Variants in WWC2 observed in about 807,000 individuals in gnomAD.
The protein encoded by WWC2 is protein WWC2.
Under a neutral mutation model 138.5 loss-of-function variants are expected in WWC2, and 101 were observed. The observed-to-expected ratio is 0.73, with a 90% CI of 0.62 to 0.86. WWC2 has a LOEUF of 0.86. Among genes scored for constraint, WWC2 ranks in the 40% least tolerant of loss-of-function variants. WWC2 has a pLI of 0.00. For synonymous variants in WWC2, 558 were observed against 538.4 expected (o/e 1.04, Z -0.50); for missense variants, 1,420 against 1,419.4 (o/e 1.00, Z -0.01).
chr4:183,220,469 A>G (rs1735889752), intron 4 of WWC2, among the ~76,000 whole-genome samples: 1 of 151,996 alleles, frequency 6.6e-6, no homozygotes, highest in Non-Finnish European at 1.5e-5. Flanking sequence ...GCCATAAAAC[A>G]AAAACAAAAA....
intron 1 of WWC2, among the ~76,000 whole-genome samples, chr4:183,138,371 GT>G (rs1733186612): frequency 6.6e-6 from 1 of 152,190 alleles, no homozygotes; most frequent in African/African-American, 2.4e-5. Context: ...ACTCTTGAGT[GT>G]GGTTGTAGAT....
rs1220296973 is a variant in WWC2, at chr4:183,319,665, C to A, written c.*3936C>A. ...GGGAGCGTGGCTGGAGCAGGCTGCA[C>A]AGTGGAGCAGACACCCTCCTAGCAG... On this transcript the variant is annotated 3_prime_UTR_variant, in exon 23 of 23. Coordinates refer to ENST00000403733, the MANE Select transcript of WWC2 (RefSeq NM_024949.6). The A allele has an allele frequency of 6.2e-7, 1 of 1,614,148 alleles. No individual in the cohort carries two copies. Among genetic ancestry groups the A allele is most frequent in the Non-Finnish European group, 8.5e-7 (1 of 1,180,022 alleles).
At chr4:183,237,906 G>A (rs1736480062) in intron 4 of WWC2, among the ~76,000 whole-genome samples, 1 of 151,904 alleles carries the variant, frequency 6.6e-6, no homozygotes, top group Non-Finnish European at 1.5e-5. Context: ...ACTTCACAGT[G>A]TATTTTGTCT....
intron 21 of WWC2, among the ~76,000 whole-genome samples, chr4:183,305,416 C>A (rs1399871964): frequency 6.6e-6 from 1 of 151,938 alleles, no homozygotes; most frequent in African/African-American, 2.4e-5. Flanking sequence ...TCATAAAACA[C>A]CAAGCAAAAT....
At chr4:183,267,629 C>G (rs1195149851) in intron 14 of WWC2, among the ~76,000 whole-genome samples, 1 of 152,222 alleles carries the variant, frequency 6.6e-6, no homozygotes, top group Non-Finnish European at 1.5e-5. Context: ...CTAAACCAAT[C>G]ACAGTCATTC....
chr4:183,149,940 C>G (rs1733593178), intron 1 of WWC2, among the ~76,000 whole-genome samples: 1 of 152,096 alleles, frequency 6.6e-6, no homozygotes, highest in South Asian at 2.1e-4. Context: ...TCTTCATCTG[C>G]TTCTTTGTTA....
In WWC2 at chr4:183,245,507, A is replaced by G. The variant is rs745980237; in HGVS notation, c.694A>G (p.Ile232Val). Residue 232 changes from isoleucine to valine, a missense_variant, in exon 6 of 23, where the codon ATT becomes GTT. Physicochemically the swap from Ile to Val is conservative, Grantham distance 29. Coordinates refer to ENST00000403733, the MANE Select transcript of WWC2 (RefSeq NM_024949.6). ...AGAACTAAAATCTATCAGAAAGGCA[A>G]TTAGCTCAGGAGAAAAAGAAAAACA... Reference protein sequence around the residue: ...LTELKSIRKAISSGEKEKQDL... With the variant: ...LTELKSIRKAVSSGEKEKQDL... 5.4e-5 allele frequency: 86 copies of G among 1,606,650 alleles called. No individual in the cohort carries two copies. Among genetic ancestry groups the G allele is most frequent in the African/African-American group, 1.8e-4 (13 of 74,222 alleles).
At chr4:183,116,110 G>T (rs1412655947) in intron 1 of WWC2, among the ~76,000 whole-genome samples, 2 of 152,110 alleles carry the variant, frequency 1.3e-5, no homozygotes, top group East Asian at 3.9e-4. Context: ...TCTCCCCATT[G>T]CTCATTTTTG....
chr4:183,301,296 C>T, intron 21 of WWC2, among the ~76,000 whole-genome samples: 1 of 152,136 alleles, frequency 6.6e-6, no homozygotes, highest in Admixed American at 6.5e-5. Context: ...TCACATTTGT[C>T]ACCCTTGTAT....
At chr4:183,168,912 G>A (rs905652728) in intron 1 of WWC2, among the ~76,000 whole-genome samples, 1 of 151,970 alleles carries the variant, frequency 6.6e-6, no homozygotes, top group African/African-American at 2.4e-5. Context: ...GCAATGGCAC[G>A]ATCTCGGCTC....
intron 16 of WWC2, among the ~76,000 whole-genome samples, chr4:183,274,607 A>G (rs1234681688): frequency 6.6e-6 from 1 of 152,086 alleles, no homozygotes; most frequent in Non-Finnish European, 1.5e-5. Flanking sequence ...TAAGTATTTT[A>G]TTGTTTCTGG....
intron 1 of WWC2, among the ~76,000 whole-genome samples, chr4:183,107,590 C>T (rs990258281): frequency 6.6e-6 from 1 of 152,156 alleles, no homozygotes; most frequent in Non-Finnish European, 1.5e-5. Flanking sequence ...CCTTTTATAG[C>T]TGTTGCTATT....
chr4:183,265,780 A>G lies in WWC2; in HGVS notation c.2120+12A>G. 1 of 1,610,268 alleles carries G rather than the reference A, an allele frequency of 6.2e-7. No individual in the cohort carries two copies. Among genetic ancestry groups the G allele is most frequent in the East Asian group, 2.2e-5 (1 of 44,796 alleles). ...CAGATAGGACTCAGGTAAGGAATGT[A>G]CGTGGGAAAGGAGCAGTTCTGACAT... is the stretch of plus-strand genomic sequence containing the variant. On this transcript the variant is annotated intron_variant, in intron 13 of 22. Coordinates refer to ENST00000403733, the MANE Select transcript of WWC2 (RefSeq NM_024949.6).
At chr4:183,208,751 C>A (rs977496014) in intron 3 of WWC2, among the ~76,000 whole-genome samples, 198 bp from the exon 4 acceptor site, 3 of 152,060 alleles carry the variant, frequency 2.0e-5, no homozygotes, top group Non-Finnish European at 4.4e-5. Context: ...TGACATTTCT[C>A]TTTACAGAGT....
chr4:183,237,800 G>C (rs1185045107), intron 4 of WWC2, among the ~76,000 whole-genome samples: 1 of 152,130 alleles, frequency 6.6e-6, no homozygotes, highest in Non-Finnish European at 1.5e-5. Flanking sequence ...TCTTGTCTTT[G>C]TCACGTTGTT....
At chr4:183,288,646 G>A (rs1738332106) in intron 20 of WWC2, among the ~76,000 whole-genome samples, 1 of 152,136 alleles carries the variant, frequency 6.6e-6, no homozygotes, top group Non-Finnish European at 1.5e-5. Flanking sequence ...TCTCTTCCTA[G>A]TACTTTGCCT....
At chr4:183,232,656 T>A (rs746608249) in intron 4 of WWC2, among the ~76,000 whole-genome samples, 1 of 152,172 alleles carries the variant, frequency 6.6e-6, no homozygotes, top group Non-Finnish European at 1.5e-5. Context: ...AAGTTTTATT[T>A]TATTTTTTTG....
intron 1 of WWC2, among the ~76,000 whole-genome samples, chr4:183,140,520 A>C (rs545312123): frequency 1.3e-5 from 2 of 152,348 alleles, no homozygotes; most frequent in South Asian, 4.1e-4. Flanking sequence ...AAGACAAAGC[A>C]GATTTGCCCT....
rs1739541662 is a variant in WWC2 at position 183,319,005 on chromosome 4, T to A, written c.*3276T>A. The A allele has an allele frequency of 6.5e-6, 1 of 152,746 alleles. No individual in the cohort carries two copies. The highest frequency in any genetic ancestry group is 2.4e-5 in the African/African-American group (1 of 41,432). 9.5% of individuals were successfully genotyped at this position (152,746 alleles called of 1,614,324 possible). On this transcript the variant is annotated 3_prime_UTR_variant, in exon 23 of 23. Transcript: ENST00000403733. ...CCTGCCTCTGACAGTATAGAAGGCG[T>A]GACTGAATGTGGCTGCCTTTTGAAA...
Sources: gnomAD v4.1 joint callset for allele counts (sites outside exome capture counted in the v4.1 genomes callset) on GRCh38, gnomAD v4.1.1 for gene constraint, MANE v1.5 for transcripts, NCBI Gene and HGNC (gene_info 2026-07-23, HGNC 2026-07-21) for gene names.